Variants in TAGLN3 observed in about 807,000 individuals in gnomAD.
TAGLN3 encodes the protein transgelin 3.
A neutral mutation model predicts 25.4 loss-of-function variants in TAGLN3; 12 were observed. The ratio of observed to expected loss-of-function variants is 0.47; its 90% CI spans 0.30 to 0.77. The LOEUF (loss-of-function observed/expected upper bound fraction) is 0.77, where lower values mean the gene tolerates loss of function less well. Ranked by LOEUF, TAGLN3 falls within the 30% of genes least tolerant of loss-of-function variation. TAGLN3 has a pLI of 0.06. For synonymous variants in TAGLN3, 96 were observed against 94.8 expected (o/e 1.01, Z -0.08); for missense variants, 218 against 255.8 (o/e 0.85, Z 1.01).
chr3:112,011,404 T>A (rs2107725444), intron 3 of TAGLN3, among the ~76,000 whole-genome samples: 1 of 152,370 alleles, frequency 6.6e-6, no homozygotes, highest in Non-Finnish European at 1.5e-5. Flanking sequence ...GAGTGCTTTC[T>A]GTGTTGATTT....
At chr3:112,005,678 T>G (rs184949258) in intron 3 of TAGLN3, among the ~76,000 whole-genome samples, 26 of 149,338 alleles carry the variant, frequency 1.7e-4, no homozygotes, top group African/African-American at 5.4e-4. Context: ...TGTCTGCTGC[T>G]CGAAGCCTAA....
chr3:112,000,757 C>T lies in TAGLN3; in HGVS notation c.181-15C>T. 6.2e-7 allele frequency: 1 copy of T among 1,610,236 alleles called. No individual in the cohort carries two copies. The highest frequency in any genetic ancestry group is 1.1e-5 in the South Asian group (1 of 90,844). ...AAAGGGAAACATTGATTCTGTCTCT[C>T]CCCTCCCTCTTCAGGTCCTGTGCAA... On this transcript the variant is annotated splice_polypyrimidine_tract_variant and intron_variant, in intron 2 of 4. Coordinates refer to ENST00000478951, the MANE Select transcript of TAGLN3 (RefSeq NM_001008272.2).
intron 3 of TAGLN3, 110 bp from the exon 4 acceptor site, chr3:112,011,653 G>A (rs546324725): frequency 8.1e-6 from 8 of 987,298 alleles, no homozygotes; most frequent in Non-Finnish European, 1.2e-5. Context: ...CTTGAATCTG[G>A]TCACCTGCAG....
At chr3:111,999,679 C>T (rs1163581466) in intron 2 of TAGLN3, 77 bp downstream of exon 2, 4 of 1,534,762 alleles carry the variant, frequency 2.6e-6, no homozygotes, top group East Asian at 2.3e-5. Context: ...TAACGTAAGG[C>T]TGCGGGAAGA....
chr3:112,000,998 CA>C, intron 3 of TAGLN3, 52 bp downstream of exon 3: 5 of 1,544,356 alleles, frequency 3.2e-6, no homozygotes, highest in Non-Finnish European at 4.4e-6. Context: ...TCCTTTGCCC[CA>C]TCTCCTTGTA....
rs1416103587 is a variant in TAGLN3, at chr3:112,013,667, T to C, written c.*116T>C. 6 of 1,508,792 alleles carry C rather than the reference T, an allele frequency of 4.0e-6. No individual in the cohort carries two copies. The highest frequency in any genetic ancestry group is 3.4e-4 in the Middle Eastern group (2 of 5,908). The allele number at this position is 1,508,792 out of a possible 1,614,324, so 93.5% of individuals were successfully genotyped here. ...CCTCTTTCTCAAAGCCTTCTGTCCC[T>C]GGTTTTTGCAAGTGCTGCATTTCCG... On this transcript the variant is annotated 3_prime_UTR_variant, in exon 5 of 5. Transcript: ENST00000478951.
rs1249875519 is a variant in TAGLN3, at chr3:112,013,777, C to T, written c.*226C>T. On this transcript the variant is annotated 3_prime_UTR_variant, in exon 5 of 5. Coordinates refer to ENST00000478951, the MANE Select transcript of TAGLN3 (RefSeq NM_001008272.2). Reference sequence around the variant, plus strand: ...TCCGCTTCCGTTTTCCTGAGCTCCTCGGGCCCCAGAGTCTCTGTTTGATTA... The same window carrying T: ...TCCGCTTCCGTTTTCCTGAGCTCCTTGGGCCCCAGAGTCTCTGTTTGATTA... 10 of 619,912 alleles carry T rather than the reference C, an allele frequency of 1.6e-5. No homozygotes were observed. The highest frequency in any genetic ancestry group is 3.0e-5 in the East Asian group (1 of 33,798). The allele number at this position is 619,912 out of a possible 1,614,324, so 38.4% of individuals were successfully genotyped here. A position where few individuals can be genotyped will look rare whatever the true frequency, so the allele number is the denominator to read the frequency against.
In TAGLN3 at chr3:112,013,314, T is replaced by A. The variant is rs1341857727; in HGVS notation, c.459-96T>A. On this transcript the variant is annotated intron_variant, in intron 4 of 4. Coordinates refer to ENST00000478951, the MANE Select transcript of TAGLN3 (RefSeq NM_001008272.2). ...CTCAGGGTAGGACCTGCTGATCTAT[T>A]TGGGGACCCCCAGCAGAGCCTGTCT... 5 of 1,481,050 alleles carry A rather than the reference T, an allele frequency of 3.4e-6. No homozygotes were observed. The African/African-American group carries it at 7.0e-5, about 21-fold the overall frequency. 91.7% of individuals were successfully genotyped at this position (1,481,050 alleles called of 1,614,324 possible).
chr3:112,005,769 G>C (rs1401081031), intron 3 of TAGLN3, among the ~76,000 whole-genome samples: 1 of 141,620 alleles, frequency 7.1e-6, no homozygotes, highest in East Asian at 2.1e-4. Flanking sequence ...GCCTGATCTC[G>C]GCTCACTGCA....
At chr3:112,002,648 C>A (rs1559942056) in intron 3 of TAGLN3, among the ~76,000 whole-genome samples, 1 of 149,912 alleles carries the variant, frequency 6.7e-6, no homozygotes, top group Non-Finnish European at 1.5e-5. Flanking sequence ...GTGAGTCCCC[C>A]CCCCACCCCA....
At chr3:112,002,833 G>A (rs936103492) in intron 3 of TAGLN3, among the ~76,000 whole-genome samples, 1 of 152,200 alleles carries the variant, frequency 6.6e-6, no homozygotes, top group African/African-American at 2.4e-5. Context: ...CAAGTGTGGA[G>A]GAGTGTAGGG....
chr3:112,011,080 T>G (rs1163184461), intron 3 of TAGLN3, among the ~76,000 whole-genome samples: 1 of 152,224 alleles, frequency 6.6e-6, no homozygotes, highest in Non-Finnish European at 1.5e-5. Flanking sequence ...CATGGACTTT[T>G]GGTCTGATTC....
intron 3 of TAGLN3, among the ~76,000 whole-genome samples, chr3:112,005,357 C>T (rs980671962): frequency 1.3e-5 from 2 of 152,126 alleles, no homozygotes; most frequent in Non-Finnish European, 2.9e-5. Context: ...GTGCATTAAA[C>T]GTATAAAATT....
chr3:112,004,535 G>C (rs1287204929), intron 3 of TAGLN3, among the ~76,000 whole-genome samples: 1 of 152,160 alleles, frequency 6.6e-6, no homozygotes, highest in Non-Finnish European at 1.5e-5. Context: ...AAATTAGACT[G>C]CCTGGCCAAA....
At chr3:112,006,076 A>G (rs2072914365) in intron 3 of TAGLN3, among the ~76,000 whole-genome samples, 1 of 152,080 alleles carries the variant, frequency 6.6e-6, no homozygotes, top group African/African-American at 2.4e-5. Flanking sequence ...CTCATTTTCT[A>G]TCAGAGCAGC....
At chr3:111,999,185 C>G (rs2072823852) in intron 1 of TAGLN3, 71 bp downstream of exon 1, 1 of 443,582 alleles carries the variant, frequency 2.3e-6, no homozygotes, top group Non-Finnish European at 4.1e-6. Flanking sequence ...CCCCCCTGGA[C>G]CGGCCGGAGG....
intron 3 of TAGLN3, among the ~76,000 whole-genome samples, chr3:112,006,727 C>G (rs574341953): frequency 1.3e-5 from 2 of 152,134 alleles, no homozygotes; most frequent in Admixed American, 1.3e-4. Context: ...TCTCTTTTAC[C>G]TTTTTTCTTT....
intron 3 of TAGLN3, among the ~76,000 whole-genome samples, 181 bp downstream of exon 3, chr3:112,001,127 C>T (rs187575477): frequency 2.0e-5 from 3 of 152,304 alleles, no homozygotes; most frequent in East Asian, 3.9e-4. Flanking sequence ...AGGAGGTACC[C>T]TCTTCTAATG....
At chr3:112,000,702 A>C in intron 2 of TAGLN3, 70 bp from the exon 3 acceptor site, 1 of 1,515,792 alleles carries the variant, frequency 6.6e-7, no homozygotes, top group Non-Finnish European at 9.0e-7. Flanking sequence ...CGTGAGCAGG[A>C]TTCACTTCTC....
Sources: gnomAD v4.1 joint callset for allele counts (sites outside exome capture counted in the v4.1 genomes callset) on GRCh38, gnomAD v4.1.1 for gene constraint, MANE v1.5 for transcripts, NCBI Gene and HGNC (gene_info 2026-07-23, HGNC 2026-07-21) for gene names.